The following ITPR2 variants were observed in gnomAD, a reference collection of about 807,000 sequenced individuals.
ITPR2 encodes inositol 1,4,5-trisphosphate receptor type 2.
ITPR2 carries 207 observed loss-of-function variants against 317.1 expected under a neutral mutation model. The ratio of observed to expected loss-of-function variants is 0.65; its 90% CI spans 0.58 to 0.73. The LOEUF is 0.73. ITPR2 is among the 30% of genes least tolerant of loss of function. ITPR2 has a pLI of 0.00. For synonymous variants in ITPR2, 1,156 were observed against 1,149.1 expected (o/e 1.01, Z -0.12); for missense variants, 2,613 against 3,284.0 (o/e 0.80, Z 4.99).
intron 54 of ITPR2, among the ~76,000 whole-genome samples, chr12:26,391,193 A>G (rs1040099432): frequency 6.6e-6 from 1 of 152,252 alleles, no homozygotes; most frequent in Non-Finnish European, 1.5e-5. Flanking sequence ...ATATGCTATT[A>G]TAATTACAAT....
intron 26 of ITPR2, among the ~76,000 whole-genome samples, chr12:26,618,618 G>A (rs901862963): frequency 6.6e-5 from 10 of 152,140 alleles, no homozygotes; most frequent in African/African-American, 2.4e-4. Context: ...TGGTAGAGGG[G>A]AACATACTGC....
chr12:26,466,198 T>C (rs1942167134), intron 45 of ITPR2, among the ~76,000 whole-genome samples: 1 of 152,224 alleles, frequency 6.6e-6, no homozygotes, highest in Admixed American at 6.5e-5. Context: ...GTGTTGATCA[T>C]TGTCCCTGAG....
At position 26,686,520 on chromosome 12, in the gene ITPR2, T is replaced by C. The variant is rs1948128649; in HGVS notation, c.1109A>G (p.Asp370Gly). The C allele has an allele frequency of 9.3e-6, 15 of 1,610,386 alleles. No individual in the cohort carries two copies. The highest frequency in any genetic ancestry group is 1.3e-5 in the Non-Finnish European group (15 of 1,178,054). The part of the protein sequence containing the change: ...GNDIASLFEL[D>G]ATTLQRADCL... ...GTCAGCTCTCTGAAGAGTTGTGGCA[T>C]CTAGTTCAAAAAGGGATGCAATGTC... Residue 370 changes from aspartate to glycine, a missense_variant, in exon 11 of 57, where the codon GAT (aspartate) becomes GGT (glycine). Physicochemically the swap from Asp to Gly is moderately conservative, Grantham distance 94. Around this residue, in one of 9 missense-constraint regions of ITPR2, gnomAD observed 515 missense variants for 789.4 expected, o/e 0.65. Coordinates refer to ENST00000381340, the MANE Select transcript of ITPR2 (RefSeq NM_002223.4).
rs748673722 is a variant in ITPR2 at position 26,595,537 on chromosome 12, C to T, written c.4308G>A (p.Val1436=). Residue 1436 remains valine (V), a synonymous_variant, in exon 32 of 57, where the codon GTG becomes GTA. Coordinates refer to ENST00000381340, the MANE Select transcript of ITPR2 (RefSeq NM_002223.4). The stretch of plus-strand genomic sequence containing the variant: ...TACTTGTATAGATTTCTTTCATTTC[C>T]ACTTCAGTGTCAACATAACAGTGAT... ...FVNHCYVDTE[V]EMKEIYTSNH... 23 of 1,604,260 alleles carry T rather than the reference C, an allele frequency of 1.4e-5. No homozygotes were observed. Among genetic ancestry groups the T allele is most frequent in the East Asian group, 4.5e-5 (2 of 44,344 alleles).
At chr12:26,627,594 C>T (rs1004207633) in intron 23 of ITPR2, among the ~76,000 whole-genome samples, 1 of 152,186 alleles carries the variant, frequency 6.6e-6, no homozygotes, top group Non-Finnish European at 1.5e-5. Context: ...TCTTTGATGT[C>T]GTTAGTGGAG....
chr12:26,550,588 G>A (rs1944499705), intron 36 of ITPR2, among the ~76,000 whole-genome samples: 1 of 151,818 alleles, frequency 6.6e-6, no homozygotes, highest in Non-Finnish European at 1.5e-5. Context: ...TTACTCAGGT[G>A]GCATTCTTTT....
In ITPR2 at chr12:26,715,461, A is replaced by G. The variant is rs1167633406; in HGVS notation, c.709-16T>C. On this transcript the variant is annotated splice_polypyrimidine_tract_variant and intron_variant, in intron 7 of 56. Coordinates refer to ENST00000381340, the MANE Select transcript of ITPR2 (RefSeq NM_002223.4). ...CAACGTCCCCCTAGCAAAAAGGTCA[A>G]GAGACATCTGAACAAACAGATGTGA... 1 of 1,609,652 alleles carries G rather than the reference A, an allele frequency of 6.2e-7. No homozygotes were observed. Among genetic ancestry groups the G allele is most frequent in the Admixed American group, 1.7e-5 (1 of 59,500 alleles).
At chr12:26,737,156 T>C (rs552477330) in intron 2 of ITPR2, among the ~76,000 whole-genome samples, 158 of 152,264 alleles carry the variant, frequency 1.0e-3, no homozygotes, top group Non-Finnish European at 2.0e-3. Context: ...GTACTCATCA[T>C]GTTGAGGCAG....
intron 4 of ITPR2, 59 bp from the exon 5 acceptor site, chr12:26,722,614 T>C: frequency 7.8e-7 from 1 of 1,277,494 alleles, no homozygotes; most frequent in Non-Finnish European, 1.1e-6. Context: ...GTTAATTACA[T>C]TCATATGTTT....
intron 54 of ITPR2, 40 bp from the exon 55 acceptor site, chr12:26,387,634 T>C: frequency 6.3e-7 from 1 of 1,584,014 alleles, no homozygotes; most frequent in Non-Finnish European, 8.6e-7. Context: ...AATTCGTCAT[T>C]TAATCAGTAC....
At chr12:26,560,331 G>C (rs894579771) in intron 35 of ITPR2, among the ~76,000 whole-genome samples, 6 of 151,406 alleles carry the variant, frequency 4.0e-5, no homozygotes, top group Non-Finnish European at 7.4e-5. Context: ...TTCTCTTTTA[G>C]CAATACCAAC....
chr12:26,412,710 C>T (rs1940588066), intron 51 of ITPR2, among the ~76,000 whole-genome samples: 1 of 151,984 alleles, frequency 6.6e-6, no homozygotes, highest in Admixed American at 6.6e-5. Flanking sequence ...GAAAAGGGTC[C>T]ATCTAAAGGA....
chr12:26,614,657 T>C (rs149350517), intron 26 of ITPR2, among the ~76,000 whole-genome samples: 5 of 152,268 alleles, frequency 3.3e-5, no homozygotes, highest in African/African-American at 7.2e-5. Context: ...CAAAAGGACA[T>C]GGAAGAACTT....
intron 6 of ITPR2, 77 bp from the exon 7 acceptor site, chr12:26,715,912 A>G (rs1948732110): frequency 9.8e-7 from 1 of 1,022,120 alleles, no homozygotes; most frequent in South Asian, 1.4e-5. Context: ...TCAACTAGTA[A>G]AAGGAAATTA....
chr12:26,428,819 G>A (rs768787612), intron 48 of ITPR2, among the ~76,000 whole-genome samples: 6 of 152,140 alleles, frequency 3.9e-5, no homozygotes, highest in Non-Finnish European at 8.8e-5. Flanking sequence ...ACTGACATGT[G>A]CATTCAAGGA....
At chr12:26,473,363 C>T (rs1942338856) in intron 45 of ITPR2, among the ~76,000 whole-genome samples, 2 of 152,122 alleles carry the variant, frequency 1.3e-5, no homozygotes, top group Non-Finnish European at 1.5e-5. Flanking sequence ...CAATCTGTCA[C>T]TCTGCTGGCT....
chr12:26,815,875 C>T (rs374165911), intron 1 of ITPR2, among the ~76,000 whole-genome samples: 1 of 151,850 alleles, frequency 6.6e-6, no homozygotes, highest in South Asian at 2.1e-4. Context: ...AGGTGGATCA[C>T]GAGGTCAGGA....
Position 26,399,037 on chromosome 12 carries a change from G to C in ITPR2, c.7535C>G (p.Pro2512Arg). ...DVLRRPSKDE[P>R]LFAARVVYDL... ...ATAAACCACTCGGGCAGCAAACAAG[G>C]GCTCCTGAAATAAAAATATTTAAAA... Residue 2512 changes from proline to arginine, a missense_variant, in exon 54 of 57, where the codon CCC becomes CGC. Physicochemically the swap from Pro to Arg is moderately radical, Grantham distance 103. This residue lies in a region of ITPR2 where 113 missense variants were observed against 129.2 expected (regional missense o/e 0.87). Coordinates refer to ENST00000381340, the MANE Select transcript of ITPR2 (RefSeq NM_002223.4). 1 of 1,573,134 alleles carries C rather than the reference G, an allele frequency of 6.4e-7. No individual in the cohort carries two copies. Among genetic ancestry groups the C allele is most frequent in the Non-Finnish European group, 8.6e-7 (1 of 1,167,516 alleles).
intron 36 of ITPR2, among the ~76,000 whole-genome samples, chr12:26,553,243 G>T (rs141392481): frequency 6.6e-6 from 1 of 152,328 alleles, no homozygotes; most frequent in African/African-American, 2.4e-5. Context: ...AGTAGGTGTT[G>T]ATTTGAATGG....
Sources: gnomAD v4.1 joint callset for allele counts (sites outside exome capture counted in the v4.1 genomes callset) on GRCh38, gnomAD v4.1.1 for gene constraint, gnomAD v4.1.1 regional missense constraint, MANE v1.5 for transcripts, NCBI Gene and HGNC (gene_info 2026-07-23, HGNC 2026-07-21) for gene names.